CPNE5: variants seen among roughly 807,000 people sequenced by gnomAD.
CPNE5 encodes the protein copine 5, also known as copine-5.
CPNE5 carries 42 observed loss-of-function variants against 81.1 expected under a neutral mutation model. That is an observed-to-expected ratio of 0.52 (90% confidence interval 0.40 to 0.67). The LOEUF is 0.67. CPNE5 is among the 30% of genes least tolerant of loss of function. The pLI, the probability that CPNE5 is intolerant of heterozygous loss-of-function variation, is 0.00. For missense variants in CPNE5, 612 were observed against 815.5 expected (o/e 0.75, Z 3.04); for synonymous variants, 313 against 321.5 (o/e 0.97, Z 0.28).
At chr6:36,803,601 T>C (rs1301886269) in intron 3 of CPNE5, among the ~76,000 whole-genome samples, 1 of 152,240 alleles carries the variant, frequency 6.6e-6, no homozygotes. Flanking sequence ...GTATGGATAT[T>C]GACCGATTTT....
intron 3 of CPNE5, among the ~76,000 whole-genome samples, chr6:36,812,275 G>A (rs908043077): frequency 1.3e-5 from 2 of 152,190 alleles, no homozygotes; most frequent in African/African-American, 4.8e-5. Context: ...ATCTGGGTGT[G>A]GTGAGGGCCA....
At chr6:36,830,596 T>C (rs1561830463) in intron 1 of CPNE5, among the ~76,000 whole-genome samples, 1 of 152,200 alleles carries the variant, frequency 6.6e-6, no homozygotes, top group East Asian at 1.9e-4. Flanking sequence ...TGCATTTTTA[T>C]TGTTATTAAT....
intron 3 of CPNE5, among the ~76,000 whole-genome samples, chr6:36,811,088 G>A (rs1230597756): frequency 6.6e-6 from 1 of 152,136 alleles, no homozygotes; most frequent in Non-Finnish European, 1.5e-5. Context: ...TCGGGGAACG[G>A]GGAACGACCC....
At chr6:36,808,362 T>C (rs566764541) in intron 3 of CPNE5, among the ~76,000 whole-genome samples, 2 of 152,128 alleles carry the variant, frequency 1.3e-5, no homozygotes, top group African/African-American at 2.4e-5. Context: ...CACAAAGTGC[T>C]GGGATTACAG....
intron 3 of CPNE5, among the ~76,000 whole-genome samples, chr6:36,820,264 G>A (rs1771919729): frequency 6.6e-6 from 1 of 151,924 alleles, no homozygotes; most frequent in Admixed American, 6.6e-5. Context: ...AGGAGGCAGA[G>A]GTAGCAATGT....
intron 8 of CPNE5, among the ~76,000 whole-genome samples, chr6:36,780,958 A>C (rs1016155542): frequency 6.6e-6 from 1 of 152,116 alleles, no homozygotes; most frequent in Admixed American, 6.5e-5. Flanking sequence ...TAAATAAACT[A>C]ATTTCAAAGT....
intron 3 of CPNE5, among the ~76,000 whole-genome samples, chr6:36,800,418 C>T (rs1248194998): frequency 6.6e-6 from 1 of 152,178 alleles, no homozygotes; most frequent in Non-Finnish European, 1.5e-5. Flanking sequence ...CCACCTCCTC[C>T]AGGAAGCCTT....
intron 10 of CPNE5, among the ~76,000 whole-genome samples, chr6:36,768,891 C>A (rs1191321958): frequency 6.6e-6 from 1 of 152,238 alleles, no homozygotes; most frequent in Non-Finnish European, 1.5e-5. Flanking sequence ...CCCCGAGCAA[C>A]TGGCTTAACC....
chr6:36,750,221 T>C (rs895338108), intron 14 of CPNE5, among the ~76,000 whole-genome samples: 6 of 152,216 alleles, frequency 3.9e-5, no homozygotes, highest in Non-Finnish European at 8.8e-5. Context: ...CACTTGCATT[T>C]AGCAGAAGGT....
rs958968096 is a variant in CPNE5, at chr6:36,766,835, C to T, written c.738-1459G>A. Among the ~76,000 whole-genome samples the T allele has an allele frequency of 6.6e-6, 1 of 152,126 alleles. No individual in the cohort carries two copies. The highest frequency in any genetic ancestry group is 1.5e-5 in the Non-Finnish European group (1 of 68,026). ...CCTTCTCTCCACTTCATCATTTGGC[C>T]GCGCTCTGATAGGTTTTTGTTTGTT... On this transcript the variant is annotated intron_variant, in intron 10 of 20. Coordinates refer to ENST00000244751, the MANE Select transcript of CPNE5 (RefSeq NM_020939.2). This position sits in a 1 kb window ranked among gnomAD's most constrained non-coding sequence, Gnocchi z 4.2.
Position 36,742,097 on chromosome 6 carries a change from G to A in CPNE5, c.*171C>T. 1 of 596,262 alleles carries A rather than the reference G, an allele frequency of 1.7e-6. No individual in the cohort carries two copies. Among genetic ancestry groups the A allele is most frequent in the South Asian group, 2.1e-5 (1 of 47,906 alleles). 36.9% of individuals were successfully genotyped at this position (596,262 alleles called of 1,614,324 possible). A position where few individuals can be genotyped will look rare whatever the true frequency, so the allele number is the denominator to read the frequency against. ...CTAACTCCCTGGGTTTGGGCAATAA[G>A]TGAGGCCAAGAAATTGAGGAGGGGT... On this transcript the variant is annotated 3_prime_UTR_variant, in exon 21 of 21. Coordinates refer to ENST00000244751, the MANE Select transcript of CPNE5 (RefSeq NM_020939.2).
intron 14 of CPNE5, among the ~76,000 whole-genome samples, chr6:36,748,578 G>A (rs937090219): frequency 6.6e-6 from 1 of 152,144 alleles, no homozygotes; most frequent in African/African-American, 2.4e-5. Flanking sequence ...GCCCACCTGT[G>A]TAGGCTGGGT....
At chr6:36,809,767 T>C (rs1418699662) in intron 3 of CPNE5, among the ~76,000 whole-genome samples, 2 of 151,828 alleles carry the variant, frequency 1.3e-5, no homozygotes, top group Non-Finnish European at 2.9e-5. Flanking sequence ...AGGAAATGGA[T>C]GCTGACGGGT....
intron 1 of CPNE5, among the ~76,000 whole-genome samples, chr6:36,838,967 G>A (rs1037931297): frequency 6.6e-6 from 1 of 152,170 alleles, no homozygotes; most frequent in African/African-American, 2.4e-5. Flanking sequence ...AGCAGAGACC[G>A]TAGTACAGCC....
rs1317032086 is a variant in CPNE5 at position 36,798,164 on chromosome 6, C to T, written c.404+1G>A. On this transcript the variant is annotated splice_donor_variant, in intron 6 of 20. Transcript: ENST00000244751. LOFTEE classifies it high-confidence loss of function. ...ACTGGGAAAGCAACCCAGACACTCA[C>T]GTGAGGGGCTTTTCCAGGCGGCTCC... 3 of 1,613,038 alleles carry T rather than the reference C, an allele frequency of 1.9e-6. No individual in the cohort carries two copies. The highest frequency in any genetic ancestry group is 2.5e-6 in the Non-Finnish European group (3 of 1,179,454).
intron 8 of CPNE5, among the ~76,000 whole-genome samples, chr6:36,785,118 A>G (rs1768410849): frequency 6.6e-6 from 1 of 152,166 alleles, no homozygotes; most frequent in South Asian, 2.1e-4. Context: ...GATTGCCTCC[A>G]TTTGCATCTC....
chr6:36,802,171 A>T (rs549784063), intron 3 of CPNE5, among the ~76,000 whole-genome samples: 1 of 124,714 alleles, frequency 8.0e-6, no homozygotes, highest in Non-Finnish European at 1.6e-5. Context: ...GTGAGCCAGG[A>T]TTGCGCCAAT....
intron 10 of CPNE5, among the ~76,000 whole-genome samples, chr6:36,765,813 G>A (rs1766514384): frequency 6.6e-6 from 1 of 151,768 alleles, no homozygotes; most frequent in South Asian, 2.1e-4. Flanking sequence ...GAGGGTCTGA[G>A]GGCTTTGGGT....
At chr6:36,812,896 C>A (rs1421919662) in intron 3 of CPNE5, among the ~76,000 whole-genome samples, 1 of 152,236 alleles carries the variant, frequency 6.6e-6, no homozygotes, top group Non-Finnish European at 1.5e-5. Context: ...CTTAGAGAGG[C>A]CTGCCTTCCG....
Sources: gnomAD v4.1 joint callset for allele counts (sites outside exome capture counted in the v4.1 genomes callset) on GRCh38, gnomAD v4.1.1 for gene constraint, Gnocchi (gnomAD v3.1) non-coding constraint, MANE v1.5 for transcripts, NCBI Gene and HGNC (gene_info 2026-07-23, HGNC 2026-07-21) for gene names.